DAPK1: variants seen among roughly 807,000 people sequenced by gnomAD.
DAPK1 encodes death-associated protein kinase 1.
In DAPK1, 56 loss-of-function variants were observed where a neutral mutation model predicts 144.9. The observed-to-expected ratio is 0.39, with a 90% CI of 0.31 to 0.48. DAPK1 has a LOEUF of 0.48. Ranked by LOEUF, DAPK1 falls within the 20% of genes least tolerant of loss-of-function variation. The probability of loss-of-function intolerance (pLI) is 0.95; values close to 1 mark genes in which losing one functional copy is unlikely to be tolerated. For missense variants in DAPK1, 1,454 were observed against 1,875.4 expected (o/e 0.78, Z 4.15); for synonymous variants, 690 against 749.0 (o/e 0.92, Z 1.29).
At chr9:87,504,676 G>A (rs889656792) in intron 2 of DAPK1, among the ~76,000 whole-genome samples, 11 of 152,102 alleles carry the variant, frequency 7.2e-5, no homozygotes, top group Admixed American at 5.9e-4. Flanking sequence ...CTCATCCCTC[G>A]GTATCCATGG....
At chr9:87,595,760 C>A (rs1272712179) in intron 2 of DAPK1, among the ~76,000 whole-genome samples, 1 of 152,146 alleles carries the variant, frequency 6.6e-6, no homozygotes. Flanking sequence ...GCGCTGTTCG[C>A]CCTTCTCTTT....
intron 18 of DAPK1, among the ~76,000 whole-genome samples, chr9:87,660,083 C>T (rs1008304368): frequency 1.3e-5 from 2 of 152,188 alleles, no homozygotes; most frequent in African/African-American, 2.4e-5. Context: ...CGTCCTCAGC[C>T]GGACAGAGTC....
At chr9:87,602,922 T>TTCTCTCTCTCTCTCTCTCTCTCTCTC (rs143584239) in intron 2 of DAPK1, among the ~76,000 whole-genome samples, 32 of 146,518 alleles carry the variant, frequency 2.2e-4, no homozygotes, top group Middle Eastern at 3.4e-3. Context: ...GTCTCTCTGT[T>TTCTCTCTCTCTCTCTCTCTCTCTCTC]TCTCTCTCTC....
intron 3 of DAPK1, among the ~76,000 whole-genome samples, chr9:87,605,425 G>A (rs1023213574): frequency 4.6e-5 from 7 of 152,194 alleles, no homozygotes; most frequent in Admixed American, 2.6e-4. Context: ...CCAGTCTTGC[G>A]GTTCACCACT....
intron 2 of DAPK1, among the ~76,000 whole-genome samples, chr9:87,542,055 G>A (rs895845303): frequency 2.6e-5 from 4 of 152,202 alleles, no homozygotes; most frequent in African/African-American, 9.6e-5. Flanking sequence ...CGGTTCTGAT[G>A]AGAAAAAGTC....
intron 2 of DAPK1, among the ~76,000 whole-genome samples, chr9:87,564,940 A>G (rs1240211787): frequency 6.6e-6 from 1 of 152,162 alleles, no homozygotes; most frequent in Admixed American, 6.5e-5. Flanking sequence ...TCTGAAGAGG[A>G]AGAGCTGATA....
chr9:87,547,578 AGTGT>A (rs61564712), intron 2 of DAPK1, among the ~76,000 whole-genome samples: 7,450 of 58,754 alleles, frequency 0.13, 311 homozygotes, highest in African/African-American at 0.34. Context: ...AGAGAGAGAG[AGTGT>A]GTGTGTGTGT....
At chr9:87,682,947 G>GT (rs1587841796) in intron 20 of DAPK1, among the ~76,000 whole-genome samples, 2 of 151,646 alleles carry the variant, frequency 1.3e-5, no homozygotes, top group Admixed American at 6.6e-5. Flanking sequence ...TGATTTTTTT[G>GT]TTTTTTGTCT....
At chr9:87,701,936 A>G (rs1825470103) in intron 24 of DAPK1, 1 of 463,418 alleles carries the variant, frequency 2.2e-6, no homozygotes, top group Admixed American at 2.4e-5. Context: ...AATCTGTCAC[A>G]GAAACCAGGG....
chr9:87,608,092 A>G (rs1047743005), intron 3 of DAPK1, among the ~76,000 whole-genome samples: 3 of 152,190 alleles, frequency 2.0e-5, no homozygotes, highest in African/African-American at 7.2e-5. Context: ...TCAGGAGATC[A>G]GCAAGGGGGA....
intron 2 of DAPK1, among the ~76,000 whole-genome samples, chr9:87,596,727 T>C (rs1008020969): frequency 1.3e-5 from 2 of 152,204 alleles, no homozygotes; most frequent in Non-Finnish European, 2.9e-5. Context: ...TCTGCACAGC[T>C]TCTGGGGCGA....
chr9:87,508,346 A>ATTT (rs200413597), intron 2 of DAPK1, among the ~76,000 whole-genome samples: 17 of 140,624 alleles, frequency 1.2e-4, no homozygotes, highest in African/African-American at 4.5e-4. Context: ...GATTGTCAGG[A>ATTT]TTTTTTTTTT....
intron 20 of DAPK1, among the ~76,000 whole-genome samples, chr9:87,685,167 T>C (rs148112513): frequency 7.3e-4 from 111 of 152,370 alleles, no homozygotes; most frequent in African/African-American, 2.6e-3. Flanking sequence ...TACATTCCTA[T>C]CTGCCAACTT....
intron 2 of DAPK1, among the ~76,000 whole-genome samples, chr9:87,523,323 G>T (rs1334874139): frequency 6.6e-6 from 1 of 152,168 alleles, no homozygotes; most frequent in Non-Finnish European, 1.5e-5. Flanking sequence ...TTGAGACAGG[G>T]TCTCATTCTG....
At position 87,609,353 on chromosome 9, in the gene DAPK1, G is replaced by A. The variant is rs538570288; in HGVS notation, c.284+4178G>A. Among the ~76,000 whole-genome samples the A allele has an allele frequency of 2.6e-5, 4 of 152,316 alleles. No homozygotes were observed. The East Asian group carries it at 5.8e-4, about 22-fold the overall frequency. On this transcript the variant is annotated intron_variant, in intron 3 of 25. Transcript: ENST00000408954. ...TGCGTAGGATGCATATGCACGGTAT[G>A]ATGCGTGTTTCTCTGGAGAACCCTG...
chr9:87,498,026 C>A lies in DAPK1; in HGVS notation c.-190C>A, dbSNP rs17515986. On this transcript the variant is annotated 5_prime_UTR_variant, in exon 1 of 26. Coordinates refer to ENST00000408954, the MANE Select transcript of DAPK1 (RefSeq NM_004938.4). ...TCCCTAGCTGTGTTCCCGCCGCCGC[C>A]CCGGCTAGTCTCCGGCGCTGGCGCC... 6.6e-3 allele frequency: 2,610 copies of A among 397,862 alleles called. 61 individuals carry two copies. Among genetic ancestry groups the A allele is most frequent in the African/African-American group, 0.049 (2,390 of 48,726 alleles). 24.6% of individuals were successfully genotyped at this position (397,862 alleles called of 1,614,324 possible).
At chr9:87,677,081 G>A (rs1343335031) in intron 19 of DAPK1, among the ~76,000 whole-genome samples, 3 of 152,336 alleles carry the variant, frequency 2.0e-5, no homozygotes, top group African/African-American at 7.2e-5. Flanking sequence ...GGCATAGCAT[G>A]AGCTGGAAGG....
chr9:87,565,540 A>G (rs1827089658), intron 2 of DAPK1, among the ~76,000 whole-genome samples: 7 of 152,006 alleles, frequency 4.6e-5, no homozygotes, highest in Admixed American at 4.6e-4. Context: ...AACTCAGGTT[A>G]CAGATGGAAG....
Position 87,703,148 on chromosome 9 carries a change from C to A in DAPK1, c.2991C>A (p.Asp997Glu). ...SLQQFVYDVQ[D>E]QLNPLASEED... ...AGCAGTTTGTGTACGACGTGCAGGA[C>A]CAGCTGAACCCCCTGGCCAGCGAGG... Residue 997 changes from aspartate (D) to glutamate (E), a missense_variant, in exon 25 of 26, where the codon GAC (aspartate) becomes GAA (glutamate). Physicochemically the swap from Asp to Glu is conservative, Grantham distance 45. Around this residue, in one of 2 missense-constraint regions of DAPK1, gnomAD observed 1,025 missense variants for 1,237.9 expected, o/e 0.83. Transcript: ENST00000408954. The A allele has an allele frequency of 6.2e-7, 1 of 1,611,086 alleles. No individual in the cohort carries two copies. The highest frequency in any genetic ancestry group is 1.1e-5 in the South Asian group (1 of 91,022).
Sources: allele counts gnomAD v4.1 joint callset (sites outside exome capture counted in the v4.1 genomes callset), GRCh38; gene constraint gnomAD v4.1.1; regional missense constraint gnomAD v4.1.1; transcripts MANE v1.5; gene names NCBI Gene and HGNC (gene_info 2026-07-23, HGNC 2026-07-21).